SOAT1: variants seen among roughly 807,000 people sequenced by gnomAD.
The protein encoded by SOAT1 is sterol O-acyltransferase 1.
Under a neutral mutation model 69.5 loss-of-function variants are expected in SOAT1, and 55 were observed. The ratio of observed to expected loss-of-function variants is 0.79; its 90% CI spans 0.64 to 0.99. The LOEUF (loss-of-function observed/expected upper bound fraction) is 0.99, where lower values mean the gene tolerates loss of function less well. Ranked by LOEUF, SOAT1 falls within the 50% of genes least tolerant of loss-of-function variation. The probability of loss-of-function intolerance (pLI) is 0.00; values close to 1 mark genes in which losing one functional copy is unlikely to be tolerated. For missense variants in SOAT1, 580 were observed against 669.3 expected (o/e 0.87, Z 1.47); for synonymous variants, 231 against 224.7 (o/e 1.03, Z -0.25).
chr1:179,344,407 C>T (rs1047782410), intron 10 of SOAT1, among the ~76,000 whole-genome samples: 1 of 124,490 alleles, frequency 8.0e-6, no homozygotes, highest in African/African-American at 3.0e-5. Context: ...AGGAGTCCTG[C>T]TCTGTTACCG....
intron 3 of SOAT1, among the ~76,000 whole-genome samples, chr1:179,330,454 G>C (rs1196874227): frequency 1.3e-5 from 2 of 152,198 alleles, no homozygotes; most frequent in African/African-American, 2.4e-5. Context: ...ATTATAGAAA[G>C]GCAAGCTGTG....
chr1:179,306,505 A>G (rs1401896005), intron 2 of SOAT1, among the ~76,000 whole-genome samples: 2 of 152,120 alleles, frequency 1.3e-5, no homozygotes, highest in Non-Finnish European at 2.9e-5. Flanking sequence ...CACTGAAGGT[A>G]TTTGTTAATG....
chr1:179,328,096 TTTG>T (rs1159887209), intron 3 of SOAT1, among the ~76,000 whole-genome samples: 2 of 152,102 alleles, frequency 1.3e-5, no homozygotes, highest in South Asian at 2.1e-4. Context: ...TACCTTTGCT[TTTG>T]TTGTTGTTGT....
intron 13 of SOAT1, 52 bp downstream of exon 13, chr1:179,348,994 C>T (rs1249590815): frequency 4.1e-6 from 4 of 986,200 alleles, no homozygotes; most frequent in Non-Finnish European, 6.5e-6. Flanking sequence ...GATTCTTTTT[C>T]AGAAAGTATG....
At chr1:179,302,632 GT>G in intron 1 of SOAT1, 44 bp from the exon 2 acceptor site, 1 of 1,266,538 alleles carries the variant, frequency 7.9e-7, no homozygotes, top group Non-Finnish European at 1.1e-6. Flanking sequence ...GTATAGCAGT[GT>G]GAAAACGGAC....
In SOAT1 at chr1:179,341,013, A is replaced by T. The variant is rs1466039539; in HGVS notation, c.498-15A>T. On this transcript the variant is annotated splice_polypyrimidine_tract_variant and intron_variant, in intron 6 of 15. Transcript: ENST00000367619. ...ATTCACCTCTATGTTCTTTTTCTGT[A>T]CCTTTTCTCCCCAGGCTGGTGCTTG... 1 of 1,609,778 alleles carries T rather than the reference A, an allele frequency of 6.2e-7. No individual in the cohort carries two copies. The highest frequency in any genetic ancestry group is 1.7e-5 in the Admixed American group (1 of 59,146).
chr1:179,342,740 A>G (rs1056494601), intron 8 of SOAT1, 122 bp from the exon 9 acceptor site: 6 of 666,060 alleles, frequency 9.0e-6, no homozygotes, highest in African/African-American at 5.4e-5. Context: ...ATCAGGAAAA[A>G]AGAACATGAG....
chr1:179,317,028 T>A (rs146345240), intron 2 of SOAT1, among the ~76,000 whole-genome samples: 10 of 152,292 alleles, frequency 6.6e-5, no homozygotes, highest in African/African-American at 2.4e-4. Context: ...AGTATGTGTA[T>A]GAGTTTGTTT....
intron 2 of SOAT1, among the ~76,000 whole-genome samples, chr1:179,303,296 G>A (rs1664897892): frequency 1.3e-5 from 2 of 152,194 alleles, no homozygotes; most frequent in Admixed American, 1.3e-4. Context: ...TAGTTAGGGA[G>A]TTTTATTAGT....
At chr1:179,318,992 G>A (rs1212953938) in intron 2 of SOAT1, among the ~76,000 whole-genome samples, 1 of 152,080 alleles carries the variant, frequency 6.6e-6, no homozygotes, top group Non-Finnish European at 1.5e-5. Flanking sequence ...TTGGCTCTGT[G>A]TTTAATCTGT....
chr1:179,347,526 T>C (rs898666841), intron 11 of SOAT1, 74 bp from the exon 12 acceptor site: 2 of 799,412 alleles, frequency 2.5e-6, no homozygotes, highest in African/African-American at 3.4e-5. Flanking sequence ...CTAAATAAAA[T>C]GATGTGATAT....
chr1:179,351,128 C>T lies in SOAT1; in HGVS notation c.1451-189C>T, dbSNP rs531082761. 6.0e-5 allele frequency among the ~76,000 whole-genome samples: 9 copies of T among 148,914 alleles called. No homozygotes were observed. The South Asian group carries it at 1.9e-3, about 32-fold the overall frequency. On this transcript the variant is annotated intron_variant, in intron 14 of 15. Transcript: ENST00000367619. The stretch of plus-strand genomic sequence containing the variant: ...GTATGATCTCAGCTCACTGCAACCT[C>T]TGCCTCCCTGCTTCAAGTGATTCTC...
rs1054816708 is a variant in SOAT1, at chr1:179,335,388, C to T, written c.178-118C>T. The T allele has an allele frequency of 5.8e-6, 5 of 860,032 alleles. No individual in the cohort carries two copies. The South Asian group carries it at 6.0e-5, about 10-fold the overall frequency. The allele number at this position is 860,032 out of a possible 1,614,324, so 53.3% of individuals were successfully genotyped here. A position where few individuals can be genotyped will look rare whatever the true frequency, so the allele number is the denominator to read the frequency against. On this transcript the variant is annotated intron_variant, in intron 3 of 15. Coordinates refer to ENST00000367619, the MANE Select transcript of SOAT1 (RefSeq NM_003101.6). ...AATTGATTTTTTGCTTTTACTCCTG[C>T]GAACTCACTATGTCTTTCTTTTGAT...
intron 4 of SOAT1, among the ~76,000 whole-genome samples, chr1:179,336,067 G>A (rs893070559): frequency 6.6e-6 from 1 of 151,816 alleles, no homozygotes; most frequent in Non-Finnish European, 1.5e-5. Context: ...AGGAGGCTGA[G>A]GCATGAGGAT....
intron 2 of SOAT1, among the ~76,000 whole-genome samples, chr1:179,322,230 T>C (rs1470609536): frequency 6.6e-6 from 1 of 152,174 alleles, no homozygotes; most frequent in Non-Finnish European, 1.5e-5. Flanking sequence ...CCTTAACATA[T>C]TGATCATTCT....
intron 15 of SOAT1, among the ~76,000 whole-genome samples, chr1:179,351,667 ACT>A (rs1292978121): frequency 6.8e-6 from 1 of 146,924 alleles, no homozygotes; most frequent in Non-Finnish European, 1.5e-5. Flanking sequence ...TTCACATTTA[ACT>A]CTCCTAGCTT....
chr1:179,316,287 G>A (rs1475853775), intron 2 of SOAT1, among the ~76,000 whole-genome samples: 2 of 151,350 alleles, frequency 1.3e-5, no homozygotes, highest in Non-Finnish European at 2.9e-5. Flanking sequence ...TCAGGTATGC[G>A]TTGTAATTGC....
intron 3 of SOAT1, among the ~76,000 whole-genome samples, chr1:179,335,134 C>T (rs1033751065): frequency 4.6e-5 from 7 of 151,516 alleles, no homozygotes; most frequent in Non-Finnish European, 1.0e-4. Flanking sequence ...GAAGCTGAGG[C>T]GGGAAGATTG....
chr1:179,304,467 G>A (rs79735109), intron 2 of SOAT1, among the ~76,000 whole-genome samples: 3,411 of 151,954 alleles, frequency 0.022, 134 homozygotes, highest in African/African-American at 0.078. Flanking sequence ...TAGTAGAGAT[G>A]GGATTTTACT....
Sources: allele counts gnomAD v4.1 joint callset (sites outside exome capture counted in the v4.1 genomes callset), GRCh38; gene constraint gnomAD v4.1.1; transcripts MANE v1.5; gene names NCBI Gene and HGNC (gene_info 2026-07-23, HGNC 2026-07-21).